Variants in FRMD6 observed in about 807,000 individuals in gnomAD.
FRMD6 encodes the protein FERM domain-containing protein 6.
FRMD6 carries 37 observed loss-of-function variants against 73.2 expected under a neutral mutation model. The ratio of observed to expected loss-of-function variants is 0.51; its 90% CI spans 0.39 to 0.66. The LOEUF is 0.66. Among genes scored for constraint, FRMD6 ranks in the 30% least tolerant of loss-of-function variants. FRMD6 has a pLI of 0.00. For missense variants in FRMD6, 714 were observed against 780.5 expected (o/e 0.91, Z 1.02); for synonymous variants, 273 against 282.2 (o/e 0.97, Z 0.33).
chr14:51,518,551 C>T (rs1884771340), intron 1 of FRMD6, among the ~76,000 whole-genome samples: 1 of 152,180 alleles, frequency 6.6e-6, no homozygotes, highest in Non-Finnish European at 1.5e-5. Context: ...ACGCATATGA[C>T]ACTATTTATA....
chr14:51,457,725 A>C, the FRMD6 span, among the ~76,000 whole-genome samples: 1 of 152,220 alleles, frequency 6.6e-6, no homozygotes, highest in Non-Finnish European at 1.5e-5. Flanking sequence ...AGGTCAGAGA[A>C]TATTATTTAT....
chr14:51,538,786 C>G (rs1950915), intron 1 of FRMD6, among the ~76,000 whole-genome samples: 32,499 of 152,122 alleles, frequency 0.21, 3,868 homozygotes, highest in South Asian at 0.31. Context: ...ACCACAATGT[C>G]TTGATTACTA....
rs112049431 is a variant in FRMD6, at chr14:51,729,582, C to T, written c.*1553C>T. The T allele has an allele frequency of 9.0e-4, 137 of 152,286 alleles. 3 individuals carry two copies. The highest frequency in any genetic ancestry group is 3.0e-3 in the African/African-American group (126 of 41,392). The allele number at this position is 152,286 out of a possible 1,614,324, so 9.4% of individuals were successfully genotyped here. On this transcript the variant is annotated 3_prime_UTR_variant, in exon 14 of 14. Transcript: ENST00000344768. ...TGATATACCATTTTTTTCTATCTGC[C>T]CAGTTTTATTAAAAAAACTATATAT...
At chr14:51,710,990 C>T (rs995000209) in intron 7 of FRMD6, among the ~76,000 whole-genome samples, 1 of 152,130 alleles carries the variant, frequency 6.6e-6, no homozygotes, top group African/African-American at 2.4e-5. Context: ...ACCGCTTGTA[C>T]AGCTTTATTA....
At chr14:51,436,872 G>A in the FRMD6 span, 1 of 765,652 alleles carries the variant, frequency 1.3e-6, no homozygotes. Flanking sequence ...GGATTAGAAG[G>A]TATTGATGAA....
chr14:51,473,360 G>A, the FRMD6 span, among the ~76,000 whole-genome samples: 4 of 152,116 alleles, frequency 2.6e-5, no homozygotes, highest in Non-Finnish European at 4.4e-5. Flanking sequence ...CTAAGTAACC[G>A]CGCATGGCCA....
Position 51,728,371 on chromosome 14 carries a change from A to AT in FRMD6, c.*349dup, listed in dbSNP as rs11426856. 0.26 allele frequency: 51,219 copies of AT among 199,636 alleles called. 7,165 individuals carry two copies. The highest frequency in any genetic ancestry group is 0.34 in the African/African-American group (14,689 of 42,990). The allele number at this position is 199,636 out of a possible 1,614,324, so 12.4% of individuals were successfully genotyped here. ...TTAGTTCAGTTACATGTAACATCAC[A>AT]TTTTTTTATCACGTGAAAGATGTTA... is the stretch of plus-strand genomic sequence containing the variant. On this transcript the variant is annotated 3_prime_UTR_variant, in exon 14 of 14. Transcript: ENST00000344768.
the FRMD6 span, among the ~76,000 whole-genome samples, chr14:51,402,066 G>A: frequency 2.0e-5 from 3 of 152,228 alleles, no homozygotes; most frequent in African/African-American, 7.2e-5. Context: ...GGCAAATTCA[G>A]TGGAGACTAG....
chr14:51,401,008 T>G, the FRMD6 span, among the ~76,000 whole-genome samples: 1 of 152,378 alleles, frequency 6.6e-6, no homozygotes, highest in African/African-American at 2.4e-5. Flanking sequence ...TTGGAACTAC[T>G]GGGTAAAATT....
At chr14:51,712,910 T>C (rs952306243) in intron 9 of FRMD6, among the ~76,000 whole-genome samples, 4 of 152,218 alleles carry the variant, frequency 2.6e-5, no homozygotes, top group African/African-American at 9.6e-5. Context: ...AAGTTACCTC[T>C]CTTGAGCAAA....
the FRMD6 span, among the ~76,000 whole-genome samples, chr14:51,432,739 C>T: frequency 2.4e-4 from 36 of 152,146 alleles, no homozygotes; most frequent in African/African-American, 7.2e-4. Flanking sequence ...ACTGAGGTCA[C>T]GGACCACCTC....
At chr14:51,696,409 T>A (rs2140411351) in intron 2 of FRMD6, among the ~76,000 whole-genome samples, 1 of 150,912 alleles carries the variant, frequency 6.6e-6, no homozygotes, top group South Asian at 2.1e-4. Context: ...AATACAAATA[T>A]TATTTGTATG....
upstream of FRMD6, among the ~76,000 whole-genome samples, chr14:51,647,451 A>C (rs531303118): frequency 3.3e-4 from 51 of 152,356 alleles, no homozygotes; most frequent in African/African-American, 1.2e-3. Context: ...TAATAAAAAG[A>C]GCATTTTAAA....
At chr14:51,665,305 A>C (rs1295830591) in intron 1 of FRMD6, among the ~76,000 whole-genome samples, 1 of 152,128 alleles carries the variant, frequency 6.6e-6, no homozygotes, top group Admixed American at 6.6e-5. Context: ...TGTCCTCAAC[A>C]TTGGGACCAA....
intron 2 of FRMD6, among the ~76,000 whole-genome samples, chr14:51,614,801 A>T (rs527665503): frequency 2.0e-5 from 3 of 152,268 alleles, no homozygotes; most frequent in Non-Finnish European, 4.4e-5. Context: ...GTCTCACATA[A>T]TTATAGACCT....
At chr14:51,612,265 C>T (rs576124468) in intron 2 of FRMD6, among the ~76,000 whole-genome samples, 9 of 152,172 alleles carry the variant, frequency 5.9e-5, no homozygotes, top group Non-Finnish European at 1.2e-4. Flanking sequence ...CTAGATGAGA[C>T]TAGAGTAGCT....
chr14:51,404,734 C>T, the FRMD6 span, among the ~76,000 whole-genome samples: 1 of 152,272 alleles, frequency 6.6e-6, no homozygotes, highest in South Asian at 2.1e-4. Context: ...CACTGACTCA[C>T]ACTCCATTGT....
At chr14:51,442,169 G>T in the FRMD6 span, among the ~76,000 whole-genome samples, 1 of 152,180 alleles carries the variant, frequency 6.6e-6, no homozygotes, top group African/African-American at 2.4e-5. Context: ...GGATGACAGT[G>T]ACTTTAACAA....
the FRMD6 span, among the ~76,000 whole-genome samples, chr14:51,407,291 T>C: frequency 6.6e-6 from 1 of 152,086 alleles, no homozygotes; most frequent in African/African-American, 2.4e-5. Flanking sequence ...TTTTTCATAT[T>C]GTCCTTGCAA....
Sources: gnomAD v4.1 joint callset for allele counts (sites outside exome capture counted in the v4.1 genomes callset) on GRCh38, gnomAD v4.1.1 for gene constraint, MANE v1.5 for transcripts, NCBI Gene and HGNC (gene_info 2026-07-23, HGNC 2026-07-21) for gene names.